The following CFI variants were observed in gnomAD, a reference collection of about 807,000 sequenced individuals.
The protein encoded by CFI is complement factor I.
CFI carries 66 observed loss-of-function variants against 78.8 expected under a neutral mutation model. The ratio of observed to expected loss-of-function variants is 0.84; its 90% CI spans 0.69 to 1.03. The LOEUF is 1.03. Ranked by LOEUF, CFI falls within the 50% of genes least tolerant of loss-of-function variation. CFI has a pLI of 0.00. For missense variants in CFI, 706 were observed against 704.5 expected (o/e 1.00, Z -0.02); for synonymous variants, 250 against 232.6 (o/e 1.07, Z -0.68).
At chr4:109,735,658 G>T in the CFI span, among the ~76,000 whole-genome samples, 1 of 152,224 alleles carries the variant, frequency 6.6e-6, no homozygotes, top group Non-Finnish European at 1.5e-5. Flanking sequence ...AAGCCACATG[G>T]TGAAGCAATT....
rs117315077 is a variant in CFI at position 109,773,253 on chromosome 4, C to T, written c.58-6429G>A. On this transcript the variant is annotated intron_variant, in intron 1 of 12. Coordinates refer to ENST00000394634, the MANE Select transcript of CFI (RefSeq NM_000204.5). ...GAACAAAACATAAACTTTTGCCAGG[C>T]GCAGTGGCTTACGCCTGTAATCCCA... 9.6e-3 allele frequency among the ~76,000 whole-genome samples: 1,458 copies of T among 152,264 alleles called. 65 individuals are homozygous for T. The East Asian group carries it at 0.13, about 13-fold the overall frequency.
At chr4:109,754,758 G>C (rs924784367) in intron 7 of CFI, among the ~76,000 whole-genome samples, 4 of 152,160 alleles carry the variant, frequency 2.6e-5, no homozygotes, top group Non-Finnish European at 4.4e-5. Flanking sequence ...ATTCACAAAA[G>C]CACGCTTGTG....
chr4:109,787,688 C>T (rs934745473), intron 1 of CFI, among the ~76,000 whole-genome samples: 1 of 151,434 alleles, frequency 6.6e-6, no homozygotes, highest in African/African-American at 2.4e-5. Flanking sequence ...ATGCTGTGGT[C>T]AGGTAGGATG....
At chr4:109,756,907 AAGAAAGAAAG>A (rs1726280986) in intron 7 of CFI, among the ~76,000 whole-genome samples, 1 of 87,934 alleles carries the variant, frequency 1.1e-5, no homozygotes. Flanking sequence ...GAAAGAAAGA[AAGAAAGAAAG>A]AAAGAAAGAA....
chr4:109,795,858 T>A (rs548996983), intron 1 of CFI, among the ~76,000 whole-genome samples: 91 of 152,004 alleles, frequency 6.0e-4, no homozygotes, highest in Non-Finnish European at 1.2e-3. Context: ...ACTTGTGGGA[T>A]ACCCTCAAGC....
downstream of CFI, among the ~76,000 whole-genome samples, chr4:109,738,527 C>T (rs576915385): frequency 1.2e-4 from 18 of 152,270 alleles, no homozygotes; most frequent in East Asian, 3.5e-3. Context: ...TGATACACCT[C>T]CTCCCTGCCG....
At chr4:109,796,002 C>A (rs1161035576) in intron 1 of CFI, among the ~76,000 whole-genome samples, 1 of 151,988 alleles carries the variant, frequency 6.6e-6, no homozygotes, top group African/African-American at 2.4e-5. Context: ...TTCATGAGGA[C>A]CAAAAGGATC....
chr4:109,734,486 G>T, the CFI span, among the ~76,000 whole-genome samples: 1 of 152,138 alleles, frequency 6.6e-6, no homozygotes, highest in African/African-American at 2.4e-5. Flanking sequence ...CACAGTTGTA[G>T]TCAGAGGAAG....
the CFI span, among the ~76,000 whole-genome samples, chr4:109,731,416 G>A: frequency 6.6e-6 from 1 of 152,216 alleles, no homozygotes; most frequent in Admixed American, 6.5e-5. Flanking sequence ...ATAAGTTCTA[G>A]GTTTGGCCTT....
At position 109,770,011 on chromosome 4, in the gene CFI, C is replaced by A. The variant is rs182632672; in HGVS notation, c.58-3187G>T. Among the ~76,000 whole-genome samples the A allele has an allele frequency of 7.2e-4, 109 of 152,234 alleles. 1 individual carries two copies. Among genetic ancestry groups the A allele is most frequent in the Admixed American group, 7.1e-3 (109 of 15,290 alleles). On this transcript the variant is annotated intron_variant, in intron 1 of 12. Transcript: ENST00000394634. ...GAAGCCCTTTCACAATGAAGAGAAG[C>A]GGCAGCACCTTCCATCCTCTTTGCC...
intron 1 of CFI, among the ~76,000 whole-genome samples, chr4:109,786,801 C>T (rs1481024343): frequency 2.0e-5 from 3 of 152,040 alleles, no homozygotes; most frequent in Non-Finnish European, 4.4e-5. Context: ...ATGGGAAACA[C>T]AAATAAACAT....
intron 1 of CFI, among the ~76,000 whole-genome samples, chr4:109,775,479 G>C (rs1414854048): frequency 6.6e-6 from 1 of 152,206 alleles, no homozygotes; most frequent in Admixed American, 6.5e-5. Flanking sequence ...TGAGGCTTGA[G>C]TAGGTAAACA....
intron 11 of CFI, 41 bp downstream of exon 11, chr4:109,746,181 C>T: frequency 1.2e-6 from 2 of 1,608,880 alleles, no homozygotes; most frequent in Non-Finnish European, 1.7e-6. Flanking sequence ...TCTTTCATTT[C>T]CAACTCATGG....
At chr4:109,734,044 T>C in the CFI span, among the ~76,000 whole-genome samples, 3 of 152,122 alleles carry the variant, frequency 2.0e-5, no homozygotes, top group Non-Finnish European at 4.4e-5. Context: ...TGGTGGTACA[T>C]GCCTGTAGTC....
In CFI at chr4:109,783,408, C is replaced by T. The variant is rs373886053; in HGVS notation, c.58-16584G>A. Reference sequence around the variant, plus strand: ...CAAAAGAAGATATACAAATGGCCAACAAACATATGAAAAAATGCTCAACAT... The same window carrying T: ...CAAAAGAAGATATACAAATGGCCAATAAACATATGAAAAAATGCTCAACAT... On this transcript the variant is annotated intron_variant, in intron 1 of 12. Transcript: ENST00000394634. Among the ~76,000 whole-genome samples, 8 of 152,062 alleles carry T rather than the reference C, an allele frequency of 5.3e-5. No homozygotes were observed. The South Asian group carries it at 1.2e-3, about 24-fold the overall frequency.
intron 11 of CFI, 35 bp from the exon 12 acceptor site, chr4:109,742,630 A>T: frequency 7.6e-7 from 1 of 1,308,726 alleles, no homozygotes. Context: ...TTTAGAAGTC[A>T]CAAATGAGAA....
intron 12 of CFI, chr4:109,741,961 A>G (rs1723854288): frequency 6.2e-6 from 1 of 161,544 alleles, no homozygotes; most frequent in Non-Finnish European, 1.4e-5. Context: ...TCCGTGGCGT[A>G]AGAAATGCGC....
chr4:109,731,382 G>T, the CFI span, among the ~76,000 whole-genome samples: 139 of 152,198 alleles, frequency 9.1e-4, 1 homozygote, highest in African/African-American at 3.2e-3. Context: ...GGGCATAGGT[G>T]TGTCCTTTCT....
intron 1 of CFI, among the ~76,000 whole-genome samples, chr4:109,781,043 T>C (rs903702843): frequency 1.3e-5 from 2 of 152,174 alleles, no homozygotes; most frequent in Non-Finnish European, 2.9e-5. Flanking sequence ...ATATACCTAA[T>C]GTACATGACA....
Sources: allele counts gnomAD v4.1 joint callset (sites outside exome capture counted in the v4.1 genomes callset), GRCh38; gene constraint gnomAD v4.1.1; transcripts MANE v1.5; gene names NCBI Gene and HGNC (gene_info 2026-07-23, HGNC 2026-07-21).